NAALADL2: variants seen among roughly 807,000 people sequenced by gnomAD.
NAALADL2 encodes N-acetylated alpha-linked acidic dipeptidase like 2, also known as inactive N-acetylated-alpha-linked acidic dipeptidase-like protein 2.
Under a neutral mutation model 87.2 loss-of-function variants are expected in NAALADL2, and 76 were observed. The ratio of observed to expected loss-of-function variants is 0.87; its 90% CI spans 0.72 to 1.05. The LOEUF is 1.05. Ranked by LOEUF, NAALADL2 falls within the 50% of genes least tolerant of loss-of-function variation. The probability of loss-of-function intolerance (pLI) is 0.00; values close to 1 mark genes in which losing one functional copy is unlikely to be tolerated. For missense variants in NAALADL2, 1,089 were observed against 945.8 expected (o/e 1.15, Z -1.99); for synonymous variants, 354 against 331.0 (o/e 1.07, Z -0.75).
chr3:174,540,873 T>G (rs1722162486), intron 1 of NAALADL2: 1 of 152,190 alleles, frequency 6.6e-6, no homozygotes, highest in African/African-American at 2.4e-5. Flanking sequence ...GATAGGTATT[T>G]TTAAATTTAT....
intron 5 of NAALADL2, among the ~76,000 whole-genome samples, chr3:175,394,533 A>G (rs866600680): frequency 7.4e-4 from 112 of 152,344 alleles, no homozygotes; most frequent in African/African-American, 2.5e-3. Flanking sequence ...AAAAAGATAC[A>G]TATCACCTTG....
rs879414791 is a variant in NAALADL2, at chr3:175,787,796, AAT to A, written c.2190-15206_2190-15205del. Among the ~76,000 whole-genome samples, 165 of 152,308 alleles carry A rather than the reference AAT, an allele frequency of 1.1e-3. 2 individuals carry two copies. Among genetic ancestry groups the A allele is most frequent in the African/African-American group, 3.8e-3 (160 of 41,578 alleles). On this transcript the variant is annotated intron_variant, in intron 13 of 13. Transcript: ENST00000454872. ...AAAAGAAAATATTTTTCAGCAGTAA[AAT>A]ATGTGTTTTAAGCTGTGTTATTACA...
intron 4 of NAALADL2, among the ~76,000 whole-genome samples, chr3:175,278,085 C>G (rs1382788980): frequency 2.0e-5 from 3 of 152,150 alleles, no homozygotes; most frequent in African/African-American, 7.2e-5. Context: ...GAGATCGCGC[C>G]ACCGCACTCC....
intron 2 of NAALADL2, among the ~76,000 whole-genome samples, chr3:174,646,128 C>G (rs1338518923): frequency 1.3e-5 from 2 of 152,078 alleles, no homozygotes; most frequent in African/African-American, 4.8e-5. Flanking sequence ...CAGCATTCAG[C>G]TGAGACTACA....
chr3:174,808,832 A>G (rs1719816260), intron 3 of NAALADL2, among the ~76,000 whole-genome samples: 1 of 150,918 alleles, frequency 6.6e-6, no homozygotes, highest in African/African-American at 2.4e-5. Context: ...GTGCACATGC[A>G]TGTGTGTGTT....
At chr3:175,339,955 A>G (rs890899695) in intron 5 of NAALADL2, among the ~76,000 whole-genome samples, 1 of 152,196 alleles carries the variant, frequency 6.6e-6, no homozygotes, top group Non-Finnish European at 1.5e-5. Flanking sequence ...TATAACCTCA[A>G]CACATCATTA....
intron 4 of NAALADL2, among the ~76,000 whole-genome samples, chr3:175,260,489 A>T (rs1310182678): frequency 6.6e-6 from 1 of 152,198 alleles, no homozygotes; most frequent in African/African-American, 2.4e-5. Context: ...CATGTATTAA[A>T]CATAGTTATG....
intron 5 of NAALADL2, among the ~76,000 whole-genome samples, chr3:175,426,678 T>C (rs1716837453): frequency 6.6e-6 from 1 of 150,784 alleles, no homozygotes; most frequent in Admixed American, 6.7e-5. Flanking sequence ...CTTTCTCATA[T>C]GCAAAGTTCA....
chr3:175,386,994 A>C (rs1280263710), intron 5 of NAALADL2, among the ~76,000 whole-genome samples: 2 of 152,072 alleles, frequency 1.3e-5, no homozygotes, highest in Admixed American at 1.3e-4. Context: ...ATAAAGAAAG[A>C]AAAAAACTTA....
intron 4 of NAALADL2, among the ~76,000 whole-genome samples, chr3:175,277,262 G>A (rs763429997): frequency 9.2e-5 from 14 of 151,990 alleles, no homozygotes; most frequent in Non-Finnish European, 1.3e-4. Flanking sequence ...ACCCATATAC[G>A]GGTACCACAT....
intron 1 of NAALADL2, among the ~76,000 whole-genome samples, chr3:174,534,166 T>G (rs1203027775): frequency 6.6e-6 from 1 of 152,200 alleles, no homozygotes; most frequent in African/African-American, 2.4e-5. Context: ...GTGTACATAC[T>G]ACACAATATT....
chr3:175,803,966 G>GA lies in NAALADL2; in HGVS notation c.*770dup, dbSNP rs1045534596. The GA allele has an allele frequency of 4.6e-5, 7 of 152,130 alleles. No individual in the cohort carries two copies. Among genetic ancestry groups the GA allele is most frequent in the Non-Finnish European group, 8.8e-5 (6 of 67,818 alleles). 9.4% of individuals were successfully genotyped at this position (152,130 alleles called of 1,614,324 possible). A position where few individuals can be genotyped will look rare whatever the true frequency, so the allele number is the denominator to read the frequency against. ...GGAGTGATGTATGTCTTAAGAGGGA[G>GA]AAAAAAATATTTCTTATTACTTTTT... On this transcript the variant is annotated 3_prime_UTR_variant, in exon 14 of 14. Coordinates refer to ENST00000454872, the MANE Select transcript of NAALADL2 (RefSeq NM_207015.3).
At chr3:175,194,314 G>A (rs2109081286) in intron 2 of NAALADL2, among the ~76,000 whole-genome samples, 2 of 151,818 alleles carry the variant, frequency 1.3e-5, no homozygotes, top group African/African-American at 4.8e-5. Flanking sequence ...GCAAGTATTT[G>A]ACAGAAACTA....
At chr3:175,073,711 A>G (rs1295512769) in intron 1 of NAALADL2, among the ~76,000 whole-genome samples, 1 of 152,020 alleles carries the variant, frequency 6.6e-6, no homozygotes, top group East Asian at 1.9e-4. Context: ...CTACAGCTGA[A>G]TTTTGGTGTT....
chr3:174,672,588 C>T (rs938890254), intron 2 of NAALADL2, among the ~76,000 whole-genome samples: 10 of 151,752 alleles, frequency 6.6e-5, no homozygotes, highest in Non-Finnish European at 1.2e-4. Context: ...TATGTTAGGC[C>T]GAAATACTTT....
chr3:175,060,947 G>A (rs1713328877), intron 1 of NAALADL2, among the ~76,000 whole-genome samples: 1 of 152,182 alleles, frequency 6.6e-6, no homozygotes, highest in Non-Finnish European at 1.5e-5. Context: ...TTGGGAGGCT[G>A]AGGCAGGAGA....
chr3:175,304,824 A>T (rs914605558), intron 4 of NAALADL2, among the ~76,000 whole-genome samples: 3 of 152,176 alleles, frequency 2.0e-5, no homozygotes, highest in Non-Finnish European at 4.4e-5. Flanking sequence ...ATAAATTTTG[A>T]AATTTTATGC....
In NAALADL2 at chr3:174,698,967, G is replaced by GTA. The variant is rs139364042; in HGVS notation, c.-114-38663_-114-38662dup. Among the ~76,000 whole-genome samples, 1,211 of 141,478 alleles carry GTA rather than the reference G, an allele frequency of 8.6e-3. 23 individuals carry two copies. Among genetic ancestry groups the GTA allele is most frequent in the African/African-American group, 0.032 (1,111 of 34,780 alleles). The allele number at this position is 141,478 out of a possible 152,430, so 92.8% of individuals were successfully genotyped here. A position where few individuals can be genotyped will look rare whatever the true frequency, so the allele number is the denominator to read the frequency against. ...TATGAATGTGTGTGTGTGTGTGCGT[G>GTA]TATATATATATACATTTCTTTTCAT... On this transcript the variant is annotated intron_variant, in intron 2 of 3. Transcript: ENST00000434257.
chr3:175,168,318 A>AT (rs949912453), intron 2 of NAALADL2, among the ~76,000 whole-genome samples: 4 of 151,862 alleles, frequency 2.6e-5, no homozygotes, highest in African/African-American at 9.7e-5. Context: ...TAAATGCAAA[A>AT]TTTTACATAT....
Sources: gnomAD v4.1 joint callset for allele counts (sites outside exome capture counted in the v4.1 genomes callset) on GRCh38, gnomAD v4.1.1 for gene constraint, MANE v1.5 for transcripts, NCBI Gene and HGNC (gene_info 2026-07-23, HGNC 2026-07-21) for gene names.